Variants in TCEANC2 observed in about 807,000 individuals in gnomAD.
TCEANC2 encodes transcription elongation factor A N-terminal and central domain-containing protein 2.
Under a neutral mutation model 22.8 loss-of-function variants are expected in TCEANC2, and 20 were observed. That is an observed-to-expected ratio of 0.88 (90% CI 0.62 to 1.28). The LOEUF is 1.28. Ranked by LOEUF, TCEANC2 falls within the 50% of genes most tolerant of loss-of-function variation. The pLI, the probability that TCEANC2 is intolerant of heterozygous loss-of-function variation, is 0.00. For synonymous variants in TCEANC2, 84 were observed against 95.5 expected (o/e 0.88, Z 0.70); for missense variants, 251 against 249.7 (o/e 1.01, Z -0.03).
At chr1:54,088,995 A>G (rs1314747529) in intron 4 of TCEANC2, among the ~76,000 whole-genome samples, 1 of 152,204 alleles carries the variant, frequency 6.6e-6, no homozygotes, top group Non-Finnish European at 1.5e-5. Flanking sequence ...ATTTATAAGC[A>G]TTCCGGGAGA....
intron 2 of TCEANC2, among the ~76,000 whole-genome samples, chr1:54,068,294 T>G (rs565810889): frequency 6.6e-6 from 1 of 152,312 alleles, no homozygotes; most frequent in South Asian, 2.1e-4. Flanking sequence ...TTTAAAAAAT[T>G]ATTTGAACAA....
intron 2 of TCEANC2, among the ~76,000 whole-genome samples, chr1:54,055,018 C>G (rs946965673): frequency 2.0e-5 from 3 of 152,152 alleles, no homozygotes; most frequent in Non-Finnish European, 4.4e-5. Context: ...CACTCTGTCA[C>G]CCAGACTGCA....
rs1298964344 is a variant in TCEANC2, at chr1:54,099,116, G to A, written c.*2643G>A. The A allele has an allele frequency of 6.6e-6, 1 of 152,262 alleles. No homozygotes were observed. Among genetic ancestry groups the A allele is most frequent in the Non-Finnish European group, 1.5e-5 (1 of 68,072 alleles). 9.4% of individuals were successfully genotyped at this position (152,262 alleles called of 1,614,324 possible). ...TAGGCTATGTGGAAGAGAAGCTGGG[G>A]TAGGGAGACAGGAAGTAGCAAGCTT... On this transcript the variant is annotated 3_prime_UTR_variant, in exon 5 of 5. Transcript: ENST00000234827.
rs537949603 is a variant in TCEANC2, at chr1:54,098,684, A to G, written c.*2211A>G. On this transcript the variant is annotated 3_prime_UTR_variant, in exon 5 of 5. Transcript: ENST00000234827. Reference sequence around the variant, plus strand: ...TGGGACAAGCTAGGTCTCCATAACTATTTATTGGATAGTTGAGTGACTGGT... The same window carrying G: ...TGGGACAAGCTAGGTCTCCATAACTGTTTATTGGATAGTTGAGTGACTGGT... 2.0e-5 allele frequency: 3 copies of G among 152,270 alleles called. No homozygotes were observed. The highest frequency in any genetic ancestry group is 4.1e-4 in the South Asian group (2 of 4,824). 9.4% of individuals were successfully genotyped at this position (152,270 alleles called of 1,614,324 possible).
chr1:54,054,377 C>T lies in TCEANC2; in HGVS notation c.-42-4C>T. 1 of 1,611,038 alleles carries T rather than the reference C, an allele frequency of 6.2e-7. No individual in the cohort carries two copies. Among genetic ancestry groups the T allele is most frequent in the South Asian group, 1.1e-5 (1 of 90,342 alleles). ...TTTTAGAATCTGCCCTCTTTCTTGA[C>T]CAGAACACGCTGCAAGCACGTCAAG... On this transcript the variant is annotated splice_polypyrimidine_tract_variant and splice_region_variant and intron_variant, in intron 1 of 4. Coordinates refer to ENST00000234827, the MANE Select transcript of TCEANC2 (RefSeq NM_153035.3).
chr1:54,108,934 T>C (rs1011350443), downstream of TCEANC2, among the ~76,000 whole-genome samples: 2 of 151,938 alleles, frequency 1.3e-5, no homozygotes, highest in African/African-American at 4.8e-5. Flanking sequence ...ATCGCACCAC[T>C]GCGCTCCAGC....
chr1:54,109,838 T>C (rs1658813828), downstream of TCEANC2, among the ~76,000 whole-genome samples: 1 of 152,088 alleles, frequency 6.6e-6, no homozygotes, highest in South Asian at 2.1e-4. Flanking sequence ...ACAGCAAGGC[T>C]CCCAAAGAAG....
intron 4 of TCEANC2, among the ~76,000 whole-genome samples, chr1:54,093,816 T>C (rs1344907751): frequency 6.6e-6 from 1 of 151,964 alleles, no homozygotes; most frequent in Non-Finnish European, 1.5e-5. Context: ...CCCTTCTTCT[T>C]TGATAACGAC....
chr1:54,092,707 G>A (rs749993792), intron 4 of TCEANC2, among the ~76,000 whole-genome samples: 1 of 152,172 alleles, frequency 6.6e-6, no homozygotes. Context: ...GGGAAGTTCC[G>A]CACTTAAGGT....
intron 3 of TCEANC2, among the ~76,000 whole-genome samples, chr1:54,071,297 C>T (rs933286276): frequency 4.6e-5 from 7 of 152,300 alleles, no homozygotes; most frequent in East Asian, 3.9e-4. Flanking sequence ...AATCCAGGAG[C>T]AGCTTATCTG....
At chr1:54,074,721 A>G (rs1658116081) in intron 3 of TCEANC2, among the ~76,000 whole-genome samples, 1 of 152,236 alleles carries the variant, frequency 6.6e-6, no homozygotes, top group African/African-American at 2.4e-5. Context: ...TAAAAATTGC[A>G]CATTGGATTT....
intron 2 of TCEANC2, among the ~76,000 whole-genome samples, chr1:54,065,716 A>ATAT (rs1657941957): frequency 2.0e-5 from 3 of 150,290 alleles, no homozygotes; most frequent in African/African-American, 7.4e-5. Context: ...CTGTCTCAAA[A>ATAT]ATATATATAT....
At chr1:54,077,181 C>T (rs1658159268) in intron 3 of TCEANC2, among the ~76,000 whole-genome samples, 1 of 152,306 alleles carries the variant, frequency 6.6e-6, no homozygotes, top group Non-Finnish European at 1.5e-5. Context: ...TGGGGATGCC[C>T]TGATGATGCC....
At chr1:54,056,664 C>G (rs574656877) in intron 2 of TCEANC2, among the ~76,000 whole-genome samples, 152 of 152,210 alleles carry the variant, frequency 1.0e-3, no homozygotes, top group South Asian at 5.6e-3. Context: ...CTACCGCTCT[C>G]CCCTCTGGGT....
chr1:54,063,343 A>G (rs1486554768), intron 2 of TCEANC2, among the ~76,000 whole-genome samples: 1 of 152,226 alleles, frequency 6.6e-6, no homozygotes, highest in African/African-American at 2.4e-5. Flanking sequence ...ATAATAAATT[A>G]GAACCACACT....
chr1:54,089,411 G>T (rs1339487116), intron 4 of TCEANC2, among the ~76,000 whole-genome samples: 1 of 152,152 alleles, frequency 6.6e-6, no homozygotes, highest in Non-Finnish European at 1.5e-5. Flanking sequence ...GGATAGACTT[G>T]TTCCCTAACA....
At chr1:54,069,698 G>A (rs553083889) in intron 3 of TCEANC2, among the ~76,000 whole-genome samples, 7 of 152,064 alleles carry the variant, frequency 4.6e-5, no homozygotes, top group African/African-American at 1.4e-4. Flanking sequence ...AAATAAAAAC[G>A]TGTAAATAGT....
At chr1:54,074,438 G>T (rs971656052) in intron 3 of TCEANC2, among the ~76,000 whole-genome samples, 3 of 152,104 alleles carry the variant, frequency 2.0e-5, no homozygotes, top group African/African-American at 7.2e-5. Flanking sequence ...ACTCCAGCCT[G>T]GGCAACAGAC....
At position 54,097,035 on chromosome 1, in the gene TCEANC2, C is replaced by G; in HGVS notation, c.*562C>G. On this transcript the variant is annotated 3_prime_UTR_variant, in exon 5 of 5. Coordinates refer to ENST00000234827, the MANE Select transcript of TCEANC2 (RefSeq NM_153035.3). The stretch of plus-strand genomic sequence containing the variant: ...GAACGTTTCAGCTCTCCCTGGAAGA[C>G]CTTCTGCGTTGGTCTCCAGAGCCCC... The G allele has an allele frequency of 1.0e-6, 1 of 975,982 alleles. No homozygotes were observed. The highest frequency in any genetic ancestry group is 1.2e-6 in the Non-Finnish European group (1 of 820,996). 60.5% of individuals were successfully genotyped at this position (975,982 alleles called of 1,614,324 possible).
Sources: allele counts gnomAD v4.1 joint callset (sites outside exome capture counted in the v4.1 genomes callset), GRCh38; gene constraint gnomAD v4.1.1; transcripts MANE v1.5; gene names NCBI Gene and HGNC (gene_info 2026-07-23, HGNC 2026-07-21).